NRG3: variants seen among roughly 807,000 people sequenced by gnomAD.
NRG3 encodes the protein neuregulin 3.
Under a neutral mutation model 66.9 loss-of-function variants are expected in NRG3, and 31 were observed. The observed-to-expected ratio is 0.46, with a 90% CI of 0.35 to 0.63. The LOEUF (loss-of-function observed/expected upper bound fraction) is 0.63. Among genes scored for constraint, NRG3 ranks in the 20% least tolerant of loss-of-function variants. The probability of loss-of-function intolerance (pLI) is 0.00; values close to 1 mark genes in which losing one functional copy is unlikely to be tolerated. For missense variants in NRG3, 910 were observed against 878.9 expected (o/e 1.04, Z -0.45); for synonymous variants, 393 against 359.4 (o/e 1.09, Z -1.06).
intron 1 of NRG3, among the ~76,000 whole-genome samples, chr10:81,919,000 T>TACAC (rs200180355): frequency 0.013 from 1,690 of 129,584 alleles, 41 homozygotes; most frequent in African/African-American, 0.047. Context: ...CACACATACA[T>TACAC]ACACACACAC....
chr10:82,298,002 G>A (rs2080171819), intron 1 of NRG3, among the ~76,000 whole-genome samples: 1 of 151,996 alleles, frequency 6.6e-6, no homozygotes, highest in African/African-American at 2.4e-5. Flanking sequence ...AAATTAGCTG[G>A]GTCTGGTTGC....
At chr10:82,353,608 A>G (rs1462179348) in intron 1 of NRG3, among the ~76,000 whole-genome samples, 1 of 152,176 alleles carries the variant, frequency 6.6e-6, no homozygotes. Flanking sequence ...AAATAAGAAA[A>G]CACATTAAAC....
intron 1 of NRG3, among the ~76,000 whole-genome samples, chr10:82,236,916 C>T (rs182270689): frequency 2.0e-5 from 3 of 152,064 alleles, no homozygotes; most frequent in East Asian, 3.9e-4. Flanking sequence ...GGGGTTTCAC[C>T]GTGTTAGCCA....
At chr10:81,905,074 T>G (rs1042525978) in intron 1 of NRG3, among the ~76,000 whole-genome samples, 5 of 152,292 alleles carry the variant, frequency 3.3e-5, no homozygotes, top group African/African-American at 4.8e-5. Flanking sequence ...TTCATATAAT[T>G]CATGAATTTA....
Position 82,441,148 on chromosome 10 carries a change from T to A in NRG3, c.953+82280T>A, listed in dbSNP as rs1011872823. Reference sequence around the variant, plus strand: ...TAGACTCTTAGAAGTAATAGTTTTATCTGGACACTGATTATTTTGCTGGAA... The same window carrying A: ...TAGACTCTTAGAAGTAATAGTTTTAACTGGACACTGATTATTTTGCTGGAA... On this transcript the variant is annotated intron_variant, in intron 2 of 8. Coordinates refer to ENST00000372141, the MANE Select transcript of NRG3 (RefSeq NM_001010848.4). Among the ~76,000 whole-genome samples the A allele has an allele frequency of 3.0e-4, 46 of 152,250 alleles. 1 individual carries two copies. Among genetic ancestry groups the A allele is most frequent in the African/African-American group, 9.9e-4 (41 of 41,468 alleles).
intron 3 of NRG3, among the ~76,000 whole-genome samples, chr10:82,857,877 T>C (rs1189568628): frequency 6.6e-6 from 1 of 152,206 alleles, no homozygotes; most frequent in Admixed American, 6.5e-5. Flanking sequence ...TCCTAAATTT[T>C]GCACTAAGGA....
At chr10:82,241,190 C>T (rs1159855216) in intron 1 of NRG3, among the ~76,000 whole-genome samples, 1 of 152,048 alleles carries the variant, frequency 6.6e-6, no homozygotes, top group Non-Finnish European at 1.5e-5. Flanking sequence ...TAGATGGCAT[C>T]TAAATGATAA....
chr10:82,676,801 T>C (rs2053720813), intron 2 of NRG3, among the ~76,000 whole-genome samples: 1 of 152,088 alleles, frequency 6.6e-6, no homozygotes, highest in African/African-American at 2.4e-5. Context: ...TATTCTCTAG[T>C]AGAGGACTCT....
At chr10:82,428,532 G>C (rs751819377) in intron 2 of NRG3, among the ~76,000 whole-genome samples, 62 of 151,818 alleles carry the variant, frequency 4.1e-4, no homozygotes, top group Non-Finnish European at 7.4e-4. Context: ...ATGTCCTTTA[G>C]TTAATGATTT....
chr10:82,143,091 C>G (rs202152618), intron 1 of NRG3, among the ~76,000 whole-genome samples: 1 of 151,674 alleles, frequency 6.6e-6, no homozygotes, highest in East Asian at 2.0e-4. Context: ...TTTAATAACA[C>G]AAAGACCAAG....
chr10:82,012,305 T>A (rs552935320), intron 1 of NRG3, among the ~76,000 whole-genome samples: 4 of 152,012 alleles, frequency 2.6e-5, no homozygotes, highest in African/African-American at 9.7e-5. Context: ...GGACACCAAG[T>A]CCCTAGGCTA....
At chr10:82,184,935 A>G (rs940523234) in intron 1 of NRG3, among the ~76,000 whole-genome samples, 1 of 152,312 alleles carries the variant, frequency 6.6e-6, no homozygotes, top group East Asian at 1.9e-4. Flanking sequence ...GCTTAATTAC[A>G]TAATTTCATT....
intron 1 of NRG3, among the ~76,000 whole-genome samples, chr10:82,230,895 A>G (rs2076421965): frequency 6.6e-6 from 1 of 152,248 alleles, no homozygotes; most frequent in African/African-American, 2.4e-5. Context: ...ATAACATAGC[A>G]TAAACATGCA....
intron 2 of NRG3, among the ~76,000 whole-genome samples, chr10:82,659,966 C>T (rs369228023): frequency 1.3e-5 from 2 of 151,542 alleles, no homozygotes; most frequent in African/African-American, 4.8e-5. Flanking sequence ...GAGGTTGAGG[C>T]GGGCAAATCG....
chr10:82,061,256 C>T (rs538792339), intron 1 of NRG3, among the ~76,000 whole-genome samples: 1 of 152,230 alleles, frequency 6.6e-6, no homozygotes, highest in Admixed American at 6.5e-5. Context: ...GAGGCTGAGG[C>T]AGAAGAATCC....
chr10:82,658,279 T>C (rs1218635375), intron 2 of NRG3, among the ~76,000 whole-genome samples: 2 of 152,128 alleles, frequency 1.3e-5, no homozygotes, highest in African/African-American at 4.8e-5. Flanking sequence ...ATTCAGTATA[T>C]GTACTAACTA....
At chr10:82,738,683 A>T in intron 3 of NRG3, 33 bp downstream of exon 3, 1 of 1,542,062 alleles carries the variant, frequency 6.5e-7, no homozygotes, top group Non-Finnish European at 9.0e-7. Context: ...CTCTAATGCA[A>T]TATATAGGCA....
At chr10:82,163,175 A>G (rs2071740309) in intron 1 of NRG3, among the ~76,000 whole-genome samples, 1 of 152,090 alleles carries the variant, frequency 6.6e-6, no homozygotes, top group Non-Finnish European at 1.5e-5. Context: ...CAGCTCTTTC[A>G]TATTAATCTC....
intron 4 of NRG3, among the ~76,000 whole-genome samples, chr10:82,888,803 A>C (rs1359475639): frequency 6.6e-6 from 1 of 152,038 alleles, no homozygotes; most frequent in Non-Finnish European, 1.5e-5. Context: ...CAGGACAAGG[A>C]GTTGAATTTT....
Sources: allele counts gnomAD v4.1 joint callset (sites outside exome capture counted in the v4.1 genomes callset), GRCh38; gene constraint gnomAD v4.1.1; transcripts MANE v1.5; gene names NCBI Gene and HGNC (gene_info 2026-07-23, HGNC 2026-07-21).